The following CRPPA variants were observed in gnomAD, a reference collection of about 807,000 sequenced individuals.
The protein encoded by CRPPA is CDP-L-ribitol pyrophosphorylase A, also known as D-ribitol-5-phosphate cytidylyltransferase.
In CRPPA, 43 loss-of-function variants were observed where a neutral mutation model predicts 52.0. The observed-to-expected ratio is 0.83, with a 90% confidence interval of 0.65 to 1.07. CRPPA has a LOEUF of 1.07. Ranked by LOEUF, CRPPA falls within the 50% of genes least tolerant of loss-of-function variation. CRPPA has a pLI of 0.00. For synonymous variants in CRPPA, 250 were observed against 203.5 expected, an observed-to-expected ratio of 1.23 and a Z score of -1.94; for missense variants, 629 against 551.7, an observed-to-expected ratio of 1.14 and a Z score of -1.40.
chr7:16,377,761 C>T (rs968257847), intron 2 of CRPPA, among the ~76,000 whole-genome samples: 1 of 152,166 alleles, frequency 6.6e-6, no homozygotes, highest in Non-Finnish European at 1.5e-5. Context: ...AAAGATACGG[C>T]CCCCTCACCC....
At chr7:16,125,132 C>T (rs563982396) in intron 9 of CRPPA, among the ~76,000 whole-genome samples, 7 of 151,636 alleles carry the variant, frequency 4.6e-5, no homozygotes, top group Non-Finnish European at 8.8e-5. Flanking sequence ...TGGTGGCGCA[C>T]GCCTGCAATC....
At chr7:16,279,021 C>T (rs1221408577) in intron 5 of CRPPA, among the ~76,000 whole-genome samples, 2 of 152,128 alleles carry the variant, frequency 1.3e-5, no homozygotes, top group African/African-American at 2.4e-5. Context: ...TAATTAACAG[C>T]GGTTCTTCAA....
intron 8 of CRPPA, among the ~76,000 whole-genome samples, chr7:16,246,203 G>A (rs530001466): frequency 2.2e-4 from 33 of 151,996 alleles, no homozygotes; most frequent in Non-Finnish European, 4.0e-4. Context: ...TTCCAACAAC[G>A]TTCACAGTAT....
At chr7:16,400,976 T>C (rs1787802077) in intron 2 of CRPPA, among the ~76,000 whole-genome samples, 1 of 152,212 alleles carries the variant, frequency 6.6e-6, no homozygotes, top group Non-Finnish European at 1.5e-5. Context: ...AGCACAGCCC[T>C]GTGTTCAATA....
chr7:16,149,765 T>C (rs1583391395), intron 9 of CRPPA, among the ~76,000 whole-genome samples: 1 of 152,128 alleles, frequency 6.6e-6, no homozygotes, highest in South Asian at 2.1e-4. Context: ...GCGAGCAGAC[T>C]GCCTAAGCTC....
At chr7:16,249,803 A>G (rs953969298) in intron 8 of CRPPA, among the ~76,000 whole-genome samples, 2 of 152,200 alleles carry the variant, frequency 1.3e-5, no homozygotes, top group Admixed American at 1.3e-4. Flanking sequence ...GAAAAGTCCA[A>G]AAACCAGAAT....
At position 16,099,784 on chromosome 7, in the gene CRPPA, G is replaced by A. The variant is rs1442233032; in HGVS notation, c.1252-7985C>T. On this transcript the variant is annotated intron_variant, in intron 9 of 9. Coordinates refer to ENST00000407010, the MANE Select transcript of CRPPA (RefSeq NM_001101426.4). ...TTTATTTTCTTAAATCAATCATAAA[G>A]TAAATTCCACAACTTAATAAAATTG... Among the ~76,000 whole-genome samples the A allele has an allele frequency of 2.6e-5, 4 of 152,266 alleles. No homozygotes were observed. The South Asian group carries it at 8.3e-4, about 32-fold the overall frequency.
intron 2 of CRPPA, among the ~76,000 whole-genome samples, chr7:16,387,045 ATATAT>A (rs1787289881): frequency 3.1e-4 from 2 of 6,518 alleles, no homozygotes; most frequent in African/African-American, 6.3e-4. Flanking sequence ...TAAAAAAAAG[ATATAT>A]ATATATATAT....
chr7:16,254,792 G>GAAGGAAGGAAA (rs1783573898), intron 8 of CRPPA, among the ~76,000 whole-genome samples: 2 of 101,758 alleles, frequency 2.0e-5, no homozygotes, highest in African/African-American at 8.2e-5. Context: ...AAAGAAAGAA[G>GAAGGAAGGAAA]GAAAGAAAGA....
chr7:16,243,736 T>A (rs192154788), intron 8 of CRPPA, among the ~76,000 whole-genome samples: 1 of 152,176 alleles, frequency 6.6e-6, no homozygotes, highest in Admixed American at 6.5e-5. Flanking sequence ...GAGGCCAAGG[T>A]GGAAAGATTG....
chr7:16,420,955 G>A (rs1562696710), intron 1 of CRPPA, 111 bp downstream of exon 1: 1 of 961,080 alleles, frequency 1.0e-6, no homozygotes, highest in Non-Finnish European at 1.4e-6. Context: ...GAATAACTGA[G>A]CGCGGCCCGG....
chr7:16,379,887 G>C (rs1313571121), intron 2 of CRPPA, among the ~76,000 whole-genome samples: 1 of 151,992 alleles, frequency 6.6e-6, no homozygotes, highest in Non-Finnish European at 1.5e-5. Context: ...AGGAGATTTT[G>C]GGCTGAGACA....
At chr7:16,287,296 G>A (rs1784471350) in intron 5 of CRPPA, among the ~76,000 whole-genome samples, 1 of 152,078 alleles carries the variant, frequency 6.6e-6, no homozygotes, top group Admixed American at 6.6e-5. Context: ...ATTTTACTTT[G>A]ATTATAGTTT....
rs554576095 is a variant in CRPPA at position 16,089,444 on chromosome 7, C to A, written c.*2251G>T. ...ACATACATATATGTGTATATATGTA[C>A]GTGCATACATATATGTGTATATATG... is the stretch of plus-strand genomic sequence containing the variant. On this transcript the variant is annotated 3_prime_UTR_variant, in exon 10 of 10. Transcript: ENST00000407010. The A allele has an allele frequency of 3.0e-6, 1 of 331,026 alleles. No homozygotes were observed. The highest frequency in any genetic ancestry group is 2.6e-5 in the Admixed American group (1 of 38,780). The allele number at this position is 331,026 out of a possible 1,614,324, so 20.5% of individuals were successfully genotyped here. A position where few individuals can be genotyped will look rare whatever the true frequency, so the allele number is the denominator to read the frequency against.
At chr7:16,099,624 C>A (rs982193501) in intron 9 of CRPPA, among the ~76,000 whole-genome samples, 23 of 152,134 alleles carry the variant, frequency 1.5e-4, no homozygotes, top group Non-Finnish European at 3.1e-4. Context: ...AAGACACAAA[C>A]TACAGTGCTC....
At chr7:16,178,471 G>A (rs773705717) in intron 9 of CRPPA, among the ~76,000 whole-genome samples, 5 of 152,100 alleles carry the variant, frequency 3.3e-5, no homozygotes, top group Admixed American at 6.6e-5. Flanking sequence ...ATTCTTACAT[G>A]AATTACTGAG....
chr7:16,272,460 C>T lies in CRPPA; in HGVS notation c.933+5669G>A, dbSNP rs547870469. ...AACAATCCTCCCATTATGTGTTGAG[C>T]AGCTCCACACCCACACTGATCTGCC... On this transcript the variant is annotated intron_variant, in intron 6 of 9. Coordinates refer to ENST00000407010, the MANE Select transcript of CRPPA (RefSeq NM_001101426.4). 2.0e-5 allele frequency among the ~76,000 whole-genome samples: 3 copies of T among 152,300 alleles called. No homozygotes were observed. In the South Asian group the frequency reaches 6.2e-4, roughly 32 times the overall value.
intron 9 of CRPPA, among the ~76,000 whole-genome samples, chr7:16,209,777 A>C (rs1013549487): frequency 2.6e-5 from 4 of 152,240 alleles, no homozygotes; most frequent in Non-Finnish European, 5.9e-5. Flanking sequence ...TCATTTCATT[A>C]GATTTTTTAA....
At chr7:16,101,237 C>T (rs1402259425) in intron 9 of CRPPA, among the ~76,000 whole-genome samples, 1 of 152,086 alleles carries the variant, frequency 6.6e-6, no homozygotes. Flanking sequence ...GGTACCAGCT[C>T]CTCTTTGTAC....
Sources: gnomAD v4.1 joint callset for allele counts (sites outside exome capture counted in the v4.1 genomes callset) on GRCh38, gnomAD v4.1.1 for gene constraint, MANE v1.5 for transcripts, NCBI Gene and HGNC (gene_info 2026-07-23, HGNC 2026-07-21) for gene names.